Variants in TRABD2B observed in about 807,000 individuals in gnomAD.
TRABD2B encodes the protein TraB domain containing 2B, also known as metalloprotease TIKI2.
In TRABD2B, 14 loss-of-function variants were observed where a neutral mutation model predicts 40.1. That is an observed-to-expected ratio of 0.35 (90% confidence interval 0.23 to 0.55). TRABD2B has a LOEUF of 0.55. Among genes scored for constraint, TRABD2B ranks in the 20% least tolerant of loss-of-function variants. The probability of loss-of-function intolerance (pLI) is 0.90; values close to 1 mark genes in which losing one functional copy is unlikely to be tolerated. For synonymous variants in TRABD2B, 263 were observed against 277.0 expected (o/e 0.95, Z 0.50); for missense variants, 541 against 648.6 (o/e 0.83, Z 1.80).
intron 2 of TRABD2B, among the ~76,000 whole-genome samples, chr1:47,953,416 T>C (rs1645374643): frequency 6.6e-6 from 1 of 152,218 alleles, no homozygotes; most frequent in African/African-American, 2.4e-5. Flanking sequence ...CCCTAAATAC[T>C]GTGTATTCAA....
intron 6 of TRABD2B, among the ~76,000 whole-genome samples, chr1:47,774,370 C>T (rs1644415233): frequency 6.6e-6 from 1 of 152,158 alleles, no homozygotes; most frequent in Non-Finnish European, 1.5e-5. Flanking sequence ...GATTCTACCC[C>T]ATCACTGACA....
Position 47,813,582 on chromosome 1 carries a change from C to T in TRABD2B, c.667-11963G>A, listed in dbSNP as rs112767322. Among the ~76,000 whole-genome samples, 91 of 152,284 alleles carry T rather than the reference C, an allele frequency of 6.0e-4. 4 individuals carry two copies. The highest frequency in any genetic ancestry group is 2.2e-3 in the African/African-American group (91 of 41,550). On this transcript the variant is annotated intron_variant, in intron 2 of 6. Coordinates refer to ENST00000606738, the MANE Select transcript of TRABD2B (RefSeq NM_001194986.2). This position sits in a 1 kb window ranked among gnomAD's most constrained non-coding sequence, Gnocchi z 4.3. ...GGGGCAGACTCTTCTCTTCTCTTTG[C>T]TGCGTCTCAGCTTACCCATCTGCCA...
At chr1:47,977,068 CTTTTTT>C (rs749710731) in intron 2 of TRABD2B, among the ~76,000 whole-genome samples, 163 of 136,640 alleles carry the variant, frequency 1.2e-3, no homozygotes, top group African/African-American at 3.9e-3. Context: ...AGGTTTAGTC[CTTTTTT>C]TTTTTTTTTT....
At chr1:47,984,958 C>A (rs1055175051) in intron 2 of TRABD2B, among the ~76,000 whole-genome samples, 6 of 152,228 alleles carry the variant, frequency 3.9e-5, no homozygotes, top group Non-Finnish European at 7.3e-5. Flanking sequence ...TAGGAACTAA[C>A]AAACATTTCT....
intron 5 of TRABD2B, among the ~76,000 whole-genome samples, 192 bp downstream of exon 5, chr1:47,778,262 C>G (rs1203191627): frequency 6.6e-6 from 1 of 152,196 alleles, no homozygotes; most frequent in East Asian, 1.9e-4. Flanking sequence ...ATGCTCTGGC[C>G]CTGCTGTCAC....
chr1:47,991,192 A>G (rs555704337), intron 2 of TRABD2B, among the ~76,000 whole-genome samples: 1 of 152,192 alleles, frequency 6.6e-6, no homozygotes, highest in South Asian at 2.1e-4. Context: ...TAGCCACGTG[A>G]CCTTGGGCAA....
rs1173109930 is a variant in TRABD2B, at chr1:47,763,463, G to A, written c.*2439C>T. The stretch of plus-strand genomic sequence containing the variant: ...AAGACTAAGGCTGAATCTTCCTGAA[G>A]TTAGGGGCCAGGACGACGTAATCTA... On this transcript the variant is annotated 3_prime_UTR_variant, in exon 7 of 7. Transcript: ENST00000606738. The A allele has an allele frequency of 6.6e-6, 1 of 152,242 alleles. No homozygotes were observed. The highest frequency in any genetic ancestry group is 2.4e-5 in the African/African-American group (1 of 41,458). The allele number at this position is 152,242 out of a possible 1,614,324, so 9.4% of individuals were successfully genotyped here.
At chr1:47,958,068 G>GA (rs1399850429) in intron 2 of TRABD2B, among the ~76,000 whole-genome samples, 1 of 152,054 alleles carries the variant, frequency 6.6e-6, no homozygotes, top group Non-Finnish European at 1.5e-5. Flanking sequence ...CATTCTTAAA[G>GA]AAAAGAATTT....
At chr1:47,829,791 C>T (rs889914444) in intron 2 of TRABD2B, among the ~76,000 whole-genome samples, 1 of 152,198 alleles carries the variant, frequency 6.6e-6, no homozygotes, top group African/African-American at 2.4e-5. Context: ...TTACCAACCA[C>T]AAAAAGTCCT....
chr1:47,922,184 G>C (rs538351996), intron 2 of TRABD2B, among the ~76,000 whole-genome samples: 7 of 152,340 alleles, frequency 4.6e-5, no homozygotes, highest in African/African-American at 1.4e-4. Context: ...AGTGTGAGCT[G>C]GCCTGGGGGA....
At chr1:47,947,846 A>G (rs78948424) in intron 2 of TRABD2B, among the ~76,000 whole-genome samples, 3,557 of 152,290 alleles carry the variant, frequency 0.023, 155 homozygotes, top group African/African-American at 0.081. Flanking sequence ...ATAGGTGAGG[A>G]AACCGAGGCT....
intron 2 of TRABD2B, among the ~76,000 whole-genome samples, chr1:47,817,699 T>G (rs1890858): frequency 0.13 from 20,338 of 152,140 alleles, 2,674 homozygotes; most frequent in East Asian, 0.38. Flanking sequence ...TCTGCTCCTC[T>G]AGGGATGAGG....
chr1:47,983,321 G>A (rs1386099149), intron 2 of TRABD2B, among the ~76,000 whole-genome samples: 1 of 152,058 alleles, frequency 6.6e-6, no homozygotes, highest in Non-Finnish European at 1.5e-5. Context: ...CAGACACTGG[G>A]GTCTACCTGA....
chr1:47,894,271 T>C (rs1306487240), intron 2 of TRABD2B, among the ~76,000 whole-genome samples: 1 of 152,288 alleles, frequency 6.6e-6, no homozygotes, highest in Middle Eastern at 3.4e-3. Context: ...CTACTGAACT[T>C]TTCTGTGCTT....
At chr1:47,973,684 G>C (rs1316009000) in intron 2 of TRABD2B, among the ~76,000 whole-genome samples, 1 of 152,124 alleles carries the variant, frequency 6.6e-6, no homozygotes, top group Non-Finnish European at 1.5e-5. Context: ...CTCCTCCCCA[G>C]GTCAACCACT....
rs564059924 is a variant in TRABD2B at position 47,833,382 on chromosome 1, G to T, written c.667-31763C>A. Among the ~76,000 whole-genome samples, 3 of 152,348 alleles carry T rather than the reference G, an allele frequency of 2.0e-5. No individual in the cohort carries two copies. In the East Asian group the frequency reaches 5.8e-4, roughly 29 times the overall value. On this transcript the variant is annotated intron_variant, in intron 2 of 6. Transcript: ENST00000606738. The stretch of plus-strand genomic sequence containing the variant: ...AGGTCAAAAGGTGCAGCCTTGAAAA[G>T]AGGTTGAAATTTAAAAACTAAAACC...
chr1:47,790,004 A>G (rs1644649464), intron 4 of TRABD2B, among the ~76,000 whole-genome samples: 1 of 152,072 alleles, frequency 6.6e-6, no homozygotes, highest in Non-Finnish European at 1.5e-5. Flanking sequence ...ATTTTGCCAA[A>G]TGAGGACTTT....
intron 2 of TRABD2B, among the ~76,000 whole-genome samples, chr1:47,924,484 G>A (rs1304737125): frequency 2.0e-5 from 3 of 152,124 alleles, no homozygotes; most frequent in Non-Finnish European, 2.9e-5. Flanking sequence ...AGAACAAGAG[G>A]AGCAGTGATT....
At chr1:47,917,472 A>G (rs1644845244) in intron 2 of TRABD2B, among the ~76,000 whole-genome samples, 1 of 152,126 alleles carries the variant, frequency 6.6e-6, no homozygotes, top group Non-Finnish European at 1.5e-5. Flanking sequence ...TGTAATCCCA[A>G]CACTCTGAGA....
Sources: allele counts gnomAD v4.1 joint callset (sites outside exome capture counted in the v4.1 genomes callset), GRCh38; gene constraint gnomAD v4.1.1; non-coding constraint Gnocchi (gnomAD v3.1); transcripts MANE v1.5; gene names NCBI Gene and HGNC (gene_info 2026-07-23, HGNC 2026-07-21).